The following LRP6 variants were observed in gnomAD, a reference collection of about 807,000 sequenced individuals.
LRP6 encodes LDL receptor related protein 6.
Under a neutral mutation model 184.1 loss-of-function variants are expected in LRP6, and 43 were observed. The ratio of observed to expected loss-of-function variants is 0.23; its 90% confidence interval spans 0.18 to 0.30. LRP6 has a LOEUF of 0.30. Ranked by LOEUF, LRP6 falls within the 10% of genes least tolerant of loss-of-function variation. The pLI, the probability that LRP6 is intolerant of heterozygous loss-of-function variation, is 1.00. For synonymous variants in LRP6, 719 were observed against 684.9 expected (o/e 1.05, Z -0.78); for missense variants, 1,571 against 2,005.3 (o/e 0.78, Z 4.14).
chr12:12,260,660 C>T (rs1429497095), intron 1 of LRP6, among the ~76,000 whole-genome samples: 2 of 152,144 alleles, frequency 1.3e-5, no homozygotes, highest in African/African-American at 4.8e-5. Context: ...ATTGACTGTG[C>T]GTTCTACTAC....
intron 2 of LRP6, among the ~76,000 whole-genome samples, chr12:12,223,916 C>G (rs970787857): frequency 1.3e-5 from 2 of 152,154 alleles, no homozygotes; most frequent in Non-Finnish European, 2.9e-5. Flanking sequence ...GTATACATTA[C>G]TAGAGGTATC....
At chr12:12,206,761 A>G (rs1000565760) in intron 2 of LRP6, among the ~76,000 whole-genome samples, 2 of 152,018 alleles carry the variant, frequency 1.3e-5, no homozygotes, top group African/African-American at 4.8e-5. Flanking sequence ...AAATGAAAAA[A>G]TAATAATAAA....
chr12:12,220,381 A>G (rs1198453880), intron 2 of LRP6, among the ~76,000 whole-genome samples: 1 of 152,190 alleles, frequency 6.6e-6, no homozygotes, highest in African/African-American at 2.4e-5. Context: ...CAGAGAAAGT[A>G]CAAATAGTGT....
intron 2 of LRP6, among the ~76,000 whole-genome samples, chr12:12,226,244 T>C (rs984048123): frequency 6.6e-6 from 1 of 152,174 alleles, no homozygotes; most frequent in Non-Finnish European, 1.5e-5. Flanking sequence ...AAGGCCTATA[T>C]ATCACAATTC....
chr12:12,138,190 A>G, intron 16 of LRP6, 135 bp downstream of exon 16: 1 of 764,412 alleles, frequency 1.3e-6, no homozygotes, highest in South Asian at 1.6e-5. Flanking sequence ...AAAAGCATGG[A>G]GAGTTCAAAA....
intron 2 of LRP6, among the ~76,000 whole-genome samples, chr12:12,209,711 A>C (rs1305123602): frequency 6.6e-6 from 1 of 152,194 alleles, no homozygotes; most frequent in Non-Finnish European, 1.5e-5. Context: ...ATATTATTCA[A>C]TTTTCTTAAG....
rs761782447 is a variant in LRP6 at position 12,159,776 on chromosome 12, T to C, written c.2464+4A>G. On this transcript the variant is annotated splice_donor_region_variant and intron_variant, in intron 11 of 22. Coordinates refer to ENST00000261349, the MANE Select transcript of LRP6 (RefSeq NM_002336.3). ...CTGTTTGAGTAAAAAGTAGTAAAGC[T>C]TACCAAGCATATTTGAAGATTCTAT... is the stretch of plus-strand genomic sequence containing the variant. The C allele has an allele frequency of 1.7e-5, 27 of 1,613,874 alleles. No homozygotes were observed. Among genetic ancestry groups the C allele is most frequent in the Non-Finnish European group, 2.3e-5 (27 of 1,179,892 alleles).
At position 12,198,857 on chromosome 12, in the gene LRP6, CAT is replaced by C. The variant is rs370621528; in HGVS notation, c.647+4344_647+4345del. Among the ~76,000 whole-genome samples the C allele has an allele frequency of 2.8e-3, 429 of 152,114 alleles. 2 individuals are homozygous for C. The highest frequency in any genetic ancestry group is 9.6e-3 in the African/African-American group (399 of 41,520). ...TTTCTAATCTTATGTTATCCTTTCA[CAT>C]GTCATATTGGTTCCTCAATGACTTT... On this transcript the variant is annotated intron_variant, in intron 3 of 22. Transcript: ENST00000261349.
rs867051158 is a variant in LRP6 at position 12,117,947 on chromosome 12, A to G, written c.*3179T>C. 1.3e-5 allele frequency: 2 copies of G among 152,198 alleles called. No homozygotes were observed. The highest frequency in any genetic ancestry group is 2.9e-5 in the Non-Finnish European group (2 of 68,008). 9.4% of individuals were successfully genotyped at this position (152,198 alleles called of 1,614,324 possible). A position where few individuals can be genotyped will look rare whatever the true frequency, so the allele number is the denominator to read the frequency against. On this transcript the variant is annotated 3_prime_UTR_variant, in exon 23 of 23. Transcript: ENST00000261349. The stretch of plus-strand genomic sequence containing the variant: ...AGCCCCTTCCCCCAATTACTGGCCT[A>G]TATTAGATTAAAATGTACTTTAAAG...
chr12:12,223,773 C>T (rs959776428), intron 2 of LRP6, among the ~76,000 whole-genome samples: 2 of 152,156 alleles, frequency 1.3e-5, no homozygotes, highest in East Asian at 1.9e-4. Context: ...ATGGACTAAA[C>T]GCTGATGTCT....
At chr12:12,192,246 G>C (rs545034244) in intron 3 of LRP6, among the ~76,000 whole-genome samples, 3 of 151,788 alleles carry the variant, frequency 2.0e-5, no homozygotes, top group African/African-American at 7.3e-5. Context: ...CAAAATGCAC[G>C]TTGCAATCCC....
chr12:12,155,807 TAAAA>T (rs36120700), intron 12 of LRP6: 52 of 627,430 alleles, frequency 8.3e-5, no homozygotes, highest in South Asian at 4.4e-4. Context: ...TCTGGACTGT[TAAAA>T]AAAAAAAAAA....
At position 12,151,055 on chromosome 12, in the gene LRP6, G is replaced by C. The variant is rs572979796; in HGVS notation, c.2792-17C>G. The C allele has an allele frequency of 1.9e-6, 3 of 1,601,348 alleles. No individual in the cohort carries two copies. In the African/African-American group the frequency reaches 4.0e-5, roughly 21 times the overall value. On this transcript the variant is annotated splice_polypyrimidine_tract_variant and intron_variant, in intron 12 of 22. Transcript: ENST00000261349. ...TCGTAGGAGCTTAAAAGGAAGAAAA[G>C]AGAAAATCTGAAATCTAGTTACCCT...
At chr12:12,244,726 A>C (rs1451153913) in intron 1 of LRP6, 71 bp from the exon 2 acceptor site, 1 of 1,463,792 alleles carries the variant, frequency 6.8e-7, no homozygotes, top group African/African-American at 1.4e-5. Context: ...ACTGCGTTTC[A>C]AATCGGTTTA....
intron 7 of LRP6, among the ~76,000 whole-genome samples, chr12:12,169,604 A>G (rs557454296): frequency 2.7e-4 from 41 of 152,312 alleles, no homozygotes; most frequent in Non-Finnish European, 4.4e-4. Flanking sequence ...AGCTCAACAA[A>G]GGTATTAACA....
In LRP6 at chr12:12,253,473, G is replaced by A. The variant is rs958776523; in HGVS notation, c.56-8818C>T. On this transcript the variant is annotated intron_variant, in intron 1 of 22. Coordinates refer to ENST00000261349, the MANE Select transcript of LRP6 (RefSeq NM_002336.3). ...AAGTTCTAGGGTACATGTGCACAAC[G>A]TGCAGGTTTGTTACATATGTATACA... Among the ~76,000 whole-genome samples, 8 of 151,350 alleles carry A rather than the reference G, an allele frequency of 5.3e-5. No individual in the cohort carries two copies. The South Asian group carries it at 1.7e-3, about 32-fold the overall frequency.
chr12:12,204,536 T>G (rs75431901), intron 2 of LRP6, among the ~76,000 whole-genome samples: 1 of 151,722 alleles, frequency 6.6e-6, no homozygotes, highest in Non-Finnish European at 1.5e-5. Flanking sequence ...TACTTTTGCT[T>G]CTATTCCACA....
intron 12 of LRP6, among the ~76,000 whole-genome samples, chr12:12,151,382 T>C (rs1308317317): frequency 2.0e-5 from 3 of 151,998 alleles, no homozygotes. Context: ...CCTTAACCTA[T>C]TCTGTCTGGT....
intron 2 of LRP6, among the ~76,000 whole-genome samples, chr12:12,218,169 A>T (rs138956846): frequency 1.3e-5 from 2 of 152,326 alleles, no homozygotes; most frequent in Non-Finnish European, 2.9e-5. Context: ...AAGAGCTCTT[A>T]GAACTCAATA....
Sources: gnomAD v4.1 joint callset for allele counts (sites outside exome capture counted in the v4.1 genomes callset) on GRCh38, gnomAD v4.1.1 for gene constraint, MANE v1.5 for transcripts, NCBI Gene and HGNC (gene_info 2026-07-23, HGNC 2026-07-21) for gene names.